Variants in ASB2 observed in about 807,000 individuals in gnomAD.
The protein encoded by ASB2 is ankyrin repeat and SOCS box containing 2.
ASB2 carries 58 observed loss-of-function variants against 62.4 expected under a neutral mutation model. The ratio of observed to expected loss-of-function variants is 0.93; its 90% CI spans 0.75 to 1.16. The LOEUF (loss-of-function observed/expected upper bound fraction) is 1.16. Among genes scored for constraint, ASB2 ranks in the 50% most tolerant of loss-of-function variants. ASB2 has a pLI of 0.00. For synonymous variants in ASB2, 386 were observed against 385.3 expected (o/e 1.00, Z -0.02); for missense variants, 928 against 887.9 (o/e 1.05, Z -0.57).
chr14:93,948,807 ATGCCTGTAGTTCCAGCTACTTGGAAGGC>A (rs1453528186), intron 6 of ASB2, among the ~76,000 whole-genome samples: 1 of 152,208 alleles, frequency 6.6e-6, no homozygotes, highest in East Asian at 1.9e-4. Context: ...ATGGTGGCAC[ATGCCTGTAGTTCCAGCTACTTGGAAGGC>A]TGAGGTGCAA....
chr14:93,964,393 A>G lies in ASB2; in HGVS notation c.147T>C (p.Ala49=). Residue 49 remains alanine, a synonymous_variant, in exon 2 of 10, where the codon GCT becomes GCC. Coordinates refer to ENST00000555019, the MANE Select transcript of ASB2 (RefSeq NM_001202429.2). ...TGGTACATGCAGACGCGGTGGCCTC[A>G]GCAGTGGTTGGGCCCCTTGTCTTGT... is the stretch of plus-strand genomic sequence containing the variant. ...LADKTRGPTT[A]EATASACTNR... 6.5e-7 allele frequency: 1 copy of G among 1,536,116 alleles called. No homozygotes were observed. Among genetic ancestry groups the G allele is most frequent in the South Asian group, 1.2e-5 (1 of 84,062 alleles).
chr14:93,963,581 G>A (rs1020642726), intron 2 of ASB2, among the ~76,000 whole-genome samples: 9 of 152,184 alleles, frequency 5.9e-5, no homozygotes, highest in East Asian at 1.9e-4. Context: ...CGCTTGAAAC[G>A]TGGCCAGTCT....
At chr14:93,964,773 A>ATCCG (rs1403781793) in intron 1 of ASB2, among the ~76,000 whole-genome samples, 161 bp from the exon 2 acceptor site, 1 of 151,144 alleles carries the variant, frequency 6.6e-6, no homozygotes, top group Non-Finnish European at 1.5e-5. Flanking sequence ...CTATATATCC[A>ATCCG]TCCATCCATC....
intron 7 of ASB2, chr14:93,942,204 G>A (rs1320261454): frequency 8.8e-6 from 4 of 456,080 alleles, no homozygotes; most frequent in African/African-American, 2.0e-5. Context: ...CCACAGGCAC[G>A]TTTTGGATTC....
Position 93,934,800 on chromosome 14 carries a change from A to G in ASB2, c.1772-8T>C. 1.2e-6 allele frequency: 2 copies of G among 1,611,440 alleles called. No homozygotes were observed. The highest frequency in any genetic ancestry group is 1.7e-6 in the Non-Finnish European group (2 of 1,177,624). On this transcript the variant is annotated splice_polypyrimidine_tract_variant and splice_region_variant and intron_variant, in intron 9 of 9. Transcript: ENST00000555019. ...CCAGAGGTCTTGGAGGTTCTGAAAA[A>G]AGGAGGGAAAGACAGAGGCTGATTT...
At chr14:93,960,977 A>G (rs2141307951) in intron 2 of ASB2, among the ~76,000 whole-genome samples, 1 of 151,810 alleles carries the variant, frequency 6.6e-6, no homozygotes, top group East Asian at 1.9e-4. Context: ...ATAAATAAAT[A>G]AATAAATAAA....
In ASB2 at chr14:93,953,490, C is replaced by T. The variant is rs144043383; in HGVS notation, c.496G>A (p.Asp166Asn). The T allele has an allele frequency of 1.7e-5, 27 of 1,595,350 alleles. No individual in the cohort carries two copies. The highest frequency in any genetic ancestry group is 1.2e-4 in the South Asian group (11 of 90,048). Residue 166 changes from aspartate (D) to asparagine (N), a missense_variant, in exon 5 of 10, where the codon GAC becomes AAC. By Grantham distance (23) the Asp-to-Asn change is conservative (BLOSUM62 1). Coordinates refer to ENST00000555019, the MANE Select transcript of ASB2 (RefSeq NM_001202429.2). ...VLQRAYPGTI[D>N]QRTLQEETAV... ...GTTTCCTCCTGCAGGGTGCGCTGGT[C>T]GATGGTCCCTGGGTACGCTAGGGAG...
At chr14:93,971,924 A>C (rs1889765931) in intron 1 of ASB2, among the ~76,000 whole-genome samples, 1 of 151,528 alleles carries the variant, frequency 6.6e-6, no homozygotes, top group East Asian at 1.9e-4. Context: ...ATGTGTGTTC[A>C]TATTCAAAAA....
At chr14:93,954,573 C>A (rs1289087245) in intron 3 of ASB2, 90 bp from the exon 4 acceptor site, 12 of 1,198,980 alleles carry the variant, frequency 1.0e-5, no homozygotes, top group Non-Finnish European at 1.4e-5. Context: ...AGTGGAGTCA[C>A]TCGGTCCTCG....
At position 93,956,745 on chromosome 14, in the gene ASB2, G is replaced by A. The variant is rs767036175; in HGVS notation, c.311+21C>T. 18 of 1,613,766 alleles carry A rather than the reference G, an allele frequency of 1.1e-5. No homozygotes were observed. In the South Asian group the frequency reaches 1.8e-4, roughly 16 times the overall value. On this transcript the variant is annotated intron_variant, in intron 3 of 9. Transcript: ENST00000555019. ...GCGGAGTGAACTTGGATGGTCCTGG[G>A]GCCAGACAGGAGTCACTTACGCCAG... is the stretch of plus-strand genomic sequence containing the variant.
intron 7 of ASB2, chr14:93,943,848 A>C: frequency 2.3e-6 from 1 of 426,424 alleles, no homozygotes; most frequent in Non-Finnish European, 4.7e-6. Context: ...GCTGCTTTTT[A>C]ATTTAATGTG....
intron 2 of ASB2, among the ~76,000 whole-genome samples, chr14:93,960,232 C>G (rs1203871115): frequency 2.6e-5 from 4 of 152,340 alleles, no homozygotes; most frequent in East Asian, 3.9e-4. Flanking sequence ...ACTTCCTTGA[C>G]TAAGTGAATT....
intron 1 of ASB2, among the ~76,000 whole-genome samples, chr14:93,968,918 T>C (rs956514443): frequency 1.3e-5 from 2 of 152,184 alleles, no homozygotes; most frequent in Non-Finnish European, 2.9e-5. Context: ...GCACAGCTGT[T>C]ATGGAGTTTA....
intron 6 of ASB2, among the ~76,000 whole-genome samples, chr14:93,950,069 G>T (rs1888894950): frequency 6.6e-6 from 1 of 152,214 alleles, no homozygotes; most frequent in Admixed American, 6.5e-5. Context: ...TGACCAATTA[G>T]TTAACCTCTC....
rs752440249 is a variant in ASB2, at chr14:93,934,711, G to T, written c.1853C>A (p.Thr618Asn). ...AATCAGCCTGCCTGGGAGCGGCAAG[G>T]TGTCTAGGAGTTTTATACGGTATTT... ...IGKYRIKLLDTLPLPGRLIRY... is the reference protein window; with the variant it reads ...IGKYRIKLLDNLPLPGRLIRY... Residue 618 changes from threonine (T) to asparagine (N), a missense_variant, in exon 10 of 10, where the codon ACC becomes AAC. Physicochemically the swap from Thr to Asn is moderately conservative, Grantham distance 65. Coordinates refer to ENST00000555019, the MANE Select transcript of ASB2 (RefSeq NM_001202429.2). The T allele has an allele frequency of 2.5e-6, 4 of 1,614,100 alleles. No individual in the cohort carries two copies. The highest frequency in any genetic ancestry group is 1.1e-5 in the South Asian group (1 of 91,076).
At chr14:93,968,071 C>A (rs1445207935) in intron 1 of ASB2, among the ~76,000 whole-genome samples, 1 of 152,220 alleles carries the variant, frequency 6.6e-6, no homozygotes, top group African/African-American at 2.4e-5. Context: ...GGCCCTGCAG[C>A]CTGGTATGGG....
At chr14:93,956,710 A>G in intron 3 of ASB2, 56 bp downstream of exon 3, 4 of 1,606,452 alleles carry the variant, frequency 2.5e-6, no homozygotes, top group East Asian at 2.2e-5. Context: ...CCTCCCTGCC[A>G]TCCCAGTTAG....
At chr14:93,958,388 C>CT (rs1889299523) in intron 2 of ASB2, among the ~76,000 whole-genome samples, 1 of 152,220 alleles carries the variant, frequency 6.6e-6, no homozygotes, top group South Asian at 2.1e-4. Context: ...CAGACTACCA[C>CT]TGTCCGCCCA....
rs774655339 is a variant in ASB2, at chr14:93,954,478, G to T, written c.317C>A (p.Ala106Glu). ...SLFKTSQLAP[A>E]DPLIKAIKDG... ...CTTGATGGCCTTTATCAAGGGGTCC[G>T]CAGGCCTGTGAGAGGAAGGAGTGGG... Residue 106 changes from alanine to glutamate, a missense_variant, in exon 4 of 10, where the codon GCG (alanine) becomes GAG (glutamate). Coordinates refer to ENST00000555019, the MANE Select transcript of ASB2 (RefSeq NM_001202429.2). 2.5e-6 allele frequency: 4 copies of T among 1,613,944 alleles called. No individual in the cohort carries two copies. Among genetic ancestry groups the T allele is most frequent in the East Asian group, 4.5e-5 (2 of 44,888 alleles).
Sources: allele counts gnomAD v4.1 joint callset (sites outside exome capture counted in the v4.1 genomes callset), GRCh38; gene constraint gnomAD v4.1.1; transcripts MANE v1.5; gene names NCBI Gene and HGNC (gene_info 2026-07-23, HGNC 2026-07-21).